Variants in LCLAT1 observed in about 807,000 individuals in gnomAD.
LCLAT1 encodes lysocardiolipin acyltransferase 1.
A neutral mutation model predicts 30.7 loss-of-function variants in LCLAT1; 11 were observed. The observed-to-expected ratio is 0.36, with a 90% CI of 0.23 to 0.59. LCLAT1 has a LOEUF of 0.59. Among genes scored for constraint, LCLAT1 ranks in the 20% least tolerant of loss-of-function variants. LCLAT1 has a pLI of 0.77. For missense variants in LCLAT1, 402 were observed against 458.6 expected (o/e 0.88, Z 1.13); for synonymous variants, 155 against 151.3 (o/e 1.02, Z -0.18).
intron 4 of LCLAT1, among the ~76,000 whole-genome samples, chr2:30,565,512 G>A (rs1378688266): frequency 6.6e-6 from 1 of 152,088 alleles, no homozygotes; most frequent in African/African-American, 2.4e-5. Flanking sequence ...TATTAAAGTT[G>A]ACATATAAAA....
intron 5 of LCLAT1, among the ~76,000 whole-genome samples, chr2:30,618,586 G>A (rs1005226096): frequency 6.6e-6 from 1 of 152,106 alleles, no homozygotes; most frequent in Non-Finnish European, 1.5e-5. Context: ...TGGGAGGAGG[G>A]AGAAGAGATA....
chr2:30,609,469 T>TAAAG (rs1667626971), intron 5 of LCLAT1, among the ~76,000 whole-genome samples: 3 of 152,180 alleles, frequency 2.0e-5, no homozygotes, highest in Non-Finnish European at 4.4e-5. Context: ...TCTCCATTGA[T>TAAAG]TTGTGATGTT....
At chr2:30,595,103 G>A (rs966541722) in intron 5 of LCLAT1, among the ~76,000 whole-genome samples, 4 of 151,360 alleles carry the variant, frequency 2.6e-5, no homozygotes, top group East Asian at 1.9e-4. Context: ...TCCTTTATTC[G>A]TTGAAACTTG....
At chr2:30,605,085 C>T (rs1387587894) in intron 5 of LCLAT1, among the ~76,000 whole-genome samples, 1 of 152,208 alleles carries the variant, frequency 6.6e-6, no homozygotes, top group African/African-American at 2.4e-5. Context: ...TTCCAAAGTA[C>T]AGTAACTTCC....
At chr2:30,573,532 C>A (rs144670401) in intron 5 of LCLAT1, among the ~76,000 whole-genome samples, 177 of 152,250 alleles carry the variant, frequency 1.2e-3, no homozygotes, top group African/African-American at 4.0e-3. Context: ...TCCTGTCTCC[C>A]TAGTTGTACC....
At chr2:30,534,131 G>A (rs1304794153) in intron 3 of LCLAT1, among the ~76,000 whole-genome samples, 1 of 151,984 alleles carries the variant, frequency 6.6e-6, no homozygotes, top group Non-Finnish European at 1.5e-5. Flanking sequence ...GTATACTGAC[G>A]TGGTTTATGA....
intron 1 of LCLAT1, among the ~76,000 whole-genome samples, chr2:30,472,460 T>C (rs1682847240): frequency 6.6e-6 from 1 of 152,222 alleles, no homozygotes; most frequent in Admixed American, 6.5e-5. Context: ...AACCAGTTTT[T>C]GTTTATGAGG....
intron 3 of LCLAT1, among the ~76,000 whole-genome samples, chr2:30,557,612 AT>A (rs1340638164): frequency 3.3e-5 from 5 of 151,690 alleles, no homozygotes; most frequent in Non-Finnish European, 2.9e-5. Context: ...ACGGGGTTTC[AT>A]CATGTTGGCC....
intron 5 of LCLAT1, among the ~76,000 whole-genome samples, chr2:30,613,429 T>C (rs779620928): frequency 6.6e-6 from 1 of 151,778 alleles, no homozygotes; most frequent in African/African-American, 2.4e-5. Flanking sequence ...ATTAGTGAGG[T>C]TGCAAAAAAT....
At chr2:30,516,049 A>G (rs1477643557) in intron 1 of LCLAT1, among the ~76,000 whole-genome samples, 1 of 152,186 alleles carries the variant, frequency 6.6e-6, no homozygotes, top group Non-Finnish European at 1.5e-5. Context: ...TGGGGCTTGT[A>G]ACTCAGCTCA....
chr2:30,459,736 A>C, intron 1 of LCLAT1: 1 of 1,550,624 alleles, frequency 6.4e-7, no homozygotes. Flanking sequence ...AGTCTTTGTA[A>C]TGATTTAGAT....
rs60693376 is a variant in LCLAT1 at position 30,457,806 on chromosome 2, C to T, written c.-5+10423C>T. 2.8e-3 allele frequency among the ~76,000 whole-genome samples: 422 copies of T among 152,310 alleles called. 3 individuals carry two copies. The highest frequency in any genetic ancestry group is 9.6e-3 in the African/African-American group (400 of 41,560). ...TTAGCCTGAGTTTGAATCCCATTTA[C>T]TGTTGCGATTTGGGTCACGGAATTT... is the stretch of plus-strand genomic sequence containing the variant. On this transcript the variant is annotated intron_variant, in intron 1 of 5. Coordinates refer to ENST00000379509, the MANE Select transcript of LCLAT1 (RefSeq NM_001002257.3).
chr2:30,627,598 C>G (rs1558566131), intron 5 of LCLAT1, among the ~76,000 whole-genome samples: 1 of 152,128 alleles, frequency 6.6e-6, no homozygotes, highest in Non-Finnish European at 1.5e-5. Context: ...CTTTATTTAA[C>G]TAGTTTTTAT....
At chr2:30,537,776 T>C (rs958506860) in intron 3 of LCLAT1, among the ~76,000 whole-genome samples, 7 of 152,200 alleles carry the variant, frequency 4.6e-5, no homozygotes, top group African/African-American at 1.7e-4. Context: ...CCACAGAATA[T>C]ACATTATTTT....
chr2:30,558,741 C>T (rs531148647), intron 3 of LCLAT1, among the ~76,000 whole-genome samples: 9 of 152,080 alleles, frequency 5.9e-5, no homozygotes, highest in Non-Finnish European at 8.8e-5. Flanking sequence ...GCAATCTGAA[C>T]GATCATACAT....
At chr2:30,518,780 A>G (rs1172845220) in intron 1 of LCLAT1, among the ~76,000 whole-genome samples, 1 of 152,102 alleles carries the variant, frequency 6.6e-6, no homozygotes, top group African/African-American at 2.4e-5. Context: ...CTGACTCTCA[A>G]TTCTTGTTTG....
chr2:30,552,799 C>G, intron 3 of LCLAT1: 1 of 178,338 alleles, frequency 5.6e-6, no homozygotes, highest in East Asian at 1.5e-4. Context: ...CAGATCCATA[C>G]TCAGTAAATA....
chr2:30,638,518 A>G (rs1246836212), intron 5 of LCLAT1, among the ~76,000 whole-genome samples: 1 of 152,242 alleles, frequency 6.6e-6, no homozygotes, highest in East Asian at 1.9e-4. Context: ...TAAGTAATCA[A>G]AGTCCTCATC....
intron 5 of LCLAT1, among the ~76,000 whole-genome samples, chr2:30,583,556 T>A (rs758137141): frequency 3.3e-5 from 5 of 152,214 alleles, no homozygotes; most frequent in African/African-American, 1.2e-4. Flanking sequence ...TGAAACATCA[T>A]ACTCTCACCT....
Sources: allele counts gnomAD v4.1 joint callset (sites outside exome capture counted in the v4.1 genomes callset), GRCh38; gene constraint gnomAD v4.1.1; transcripts MANE v1.5; gene names NCBI Gene and HGNC (gene_info 2026-07-23, HGNC 2026-07-21).